Variants in DENND1B observed in about 807,000 individuals in gnomAD.
DENND1B encodes the protein DENN domain containing 1B, also known as DENN domain-containing protein 1B.
In DENND1B, 59 loss-of-function variants were observed where a neutral mutation model predicts 90.1. The ratio of observed to expected loss-of-function variants is 0.65; its 90% CI spans 0.53 to 0.81. DENND1B has a LOEUF of 0.81. Ranked by LOEUF, DENND1B falls within the 40% of genes least tolerant of loss-of-function variation. The pLI, the probability that DENND1B is intolerant of heterozygous loss-of-function variation, is 0.00. For synonymous variants in DENND1B, 337 were observed against 324.6 expected, an observed-to-expected ratio of 1.04 and a Z score of -0.41; for missense variants, 862 against 912.6, an observed-to-expected ratio of 0.94 and a Z score of 0.71.
In DENND1B at chr1:197,554,742, T is replaced by C. The variant is rs188956866; in HGVS notation, c.1150-1630A>G. Among the ~76,000 whole-genome samples the C allele has an allele frequency of 1.3e-4, 18 of 140,876 alleles. No individual in the cohort carries two copies. The East Asian group carries it at 3.4e-3, about 26-fold the overall frequency. The allele number at this position is 140,876 out of a possible 152,430, so 92.4% of individuals were successfully genotyped here. On this transcript the variant is annotated intron_variant, in intron 15 of 22. Transcript: ENST00000620048. ...CTGTAGTCCCAGCTACTCAAGTGGCTGAGGCAGGAGAATCTCTTGAACCCA... is the reference window on the plus strand; with the variant it reads ...CTGTAGTCCCAGCTACTCAAGTGGCCGAGGCAGGAGAATCTCTTGAACCCA...
intron 10 of DENND1B, among the ~76,000 whole-genome samples, chr1:197,641,739 C>A (rs1356408317): frequency 1.3e-5 from 2 of 151,882 alleles, no homozygotes; most frequent in African/African-American, 2.4e-5. Context: ...GCTGTTTGGC[C>A]TTGAAGTGGT....
chr1:197,673,537 C>G (rs546583674), intron 4 of DENND1B, among the ~76,000 whole-genome samples: 2 of 152,186 alleles, frequency 1.3e-5, no homozygotes, highest in South Asian at 4.1e-4. Context: ...TGTTGTTATG[C>G]TCACAGGGCT....
At chr1:197,754,525 G>A (rs1042965669) in intron 2 of DENND1B, among the ~76,000 whole-genome samples, 1 of 151,878 alleles carries the variant, frequency 6.6e-6, no homozygotes, top group African/African-American at 2.4e-5. Context: ...AGATGTGGTG[G>A]TGCACACCTG....
At chr1:197,524,209 G>A (rs763984811) in intron 20 of DENND1B, among the ~76,000 whole-genome samples, 3 of 152,070 alleles carry the variant, frequency 2.0e-5, no homozygotes, top group East Asian at 1.9e-4. Context: ...TGCTCCCAAC[G>A]CATAGTTGGC....
Position 197,642,791 on chromosome 1 carries a change from C to T in DENND1B, c.592G>A (p.Asp198Asn). 1 of 1,613,318 alleles carries T rather than the reference C, an allele frequency of 6.2e-7. No individual in the cohort carries two copies. The highest frequency in any genetic ancestry group is 8.5e-7 in the Non-Finnish European group (1 of 1,179,628). The change falls in exon 10 of 23, where the codon GAT becomes AAT. Residue 198 changes from aspartate to asparagine, a missense_variant. Physicochemically the swap from Asp to Asn is conservative, Grantham distance 23 (BLOSUM62 1). Transcript: ENST00000620048. ...TACAGCTGCAGCATGTTGTTCACATCCACGGCAACAAAATATTCTGTAAGA... is the reference window on the plus strand; with the variant it reads ...TACAGCTGCAGCATGTTGTTCACATTCACGGCAACAAAATATTCTGTAAGA... ...RNLTEYFVAV[D>N]VNNMLQLYAS... is the part of the protein sequence containing the mutation.
chr1:197,531,404 T>C (rs1364571789), intron 20 of DENND1B, among the ~76,000 whole-genome samples: 473 of 3,652 alleles, frequency 0.13, 66 homozygotes, highest in Non-Finnish European at 0.19. Context: ...TTTTTTTTTT[T>C]CTTTTTTTTT....
At chr1:197,669,535 TTAAA>T (rs1243000840) in intron 5 of DENND1B, among the ~76,000 whole-genome samples, 2 of 152,138 alleles carry the variant, frequency 1.3e-5, no homozygotes, top group African/African-American at 4.8e-5. Context: ...ATTATTAAAA[TTAAA>T]TAGTTATCTA....
chr1:197,772,975 CATCT>C, intron 1 of DENND1B, 43 bp from the exon 2 acceptor site: 1 of 1,445,724 alleles, frequency 6.9e-7, no homozygotes, highest in Non-Finnish European at 9.5e-7. Context: ...GACAAATAAA[CATCT>C]CCATGAAACT....
chr1:197,546,015 T>C (rs1670791111), intron 17 of DENND1B, 25 bp from the exon 18 acceptor site: 1 of 1,575,068 alleles, frequency 6.3e-7, no homozygotes, highest in South Asian at 1.2e-5. Flanking sequence ...CAGAAACATA[T>C]TTCCAAAAAC....
upstream of DENND1B, among the ~76,000 whole-genome samples, chr1:197,777,470 A>G (rs993738192): frequency 6.6e-6 from 1 of 152,226 alleles, no homozygotes; most frequent in Admixed American, 6.5e-5. Context: ...TAAAAGGGAT[A>G]GGAACATAGG....
chr1:197,726,869 T>C (rs991699863), intron 2 of DENND1B, among the ~76,000 whole-genome samples: 1 of 152,218 alleles, frequency 6.6e-6, no homozygotes, highest in African/African-American at 2.4e-5. Flanking sequence ...CAAATGTTCA[T>C]AGTAAAAACT....
At chr1:197,638,750 T>C (rs1264730467) in intron 10 of DENND1B, among the ~76,000 whole-genome samples, 1 of 152,196 alleles carries the variant, frequency 6.6e-6, no homozygotes, top group Admixed American at 6.5e-5. Flanking sequence ...GCTTGGGGCT[T>C]AAACATCTAT....
At chr1:197,558,125 T>C (rs1671863870) in intron 15 of DENND1B, among the ~76,000 whole-genome samples, 1 of 151,786 alleles carries the variant, frequency 6.6e-6, no homozygotes, top group South Asian at 2.1e-4. Flanking sequence ...TGCAAGTAGA[T>C]TTTTAAAAGA....
At chr1:197,718,657 G>C (rs1450196528) in intron 2 of DENND1B, among the ~76,000 whole-genome samples, 4 of 152,040 alleles carry the variant, frequency 2.6e-5, no homozygotes, top group East Asian at 3.9e-4. Context: ...AGTCACTAAA[G>C]GACTTCAAAA....
At chr1:197,539,733 T>G (rs1670188605) in intron 20 of DENND1B, among the ~76,000 whole-genome samples, 1 of 152,272 alleles carries the variant, frequency 6.6e-6, no homozygotes, top group Non-Finnish European at 1.5e-5. Context: ...CACTGGACTA[T>G]GAGATCTATG....
At chr1:197,564,454 A>G (rs1672451501) in intron 15 of DENND1B, among the ~76,000 whole-genome samples, 1 of 150,472 alleles carries the variant, frequency 6.6e-6, no homozygotes, top group South Asian at 2.1e-4. Context: ...TATCATTACC[A>G]TATTTTAGTA....
chr1:197,571,142 C>T (rs1415479313), intron 15 of DENND1B, among the ~76,000 whole-genome samples: 6 of 152,108 alleles, frequency 3.9e-5, no homozygotes, highest in Admixed American at 2.0e-4. Context: ...TCCTGGACAA[C>T]TGAAAAAGCC....
intron 2 of DENND1B, among the ~76,000 whole-genome samples, chr1:197,771,424 C>T (rs943984511): frequency 6.6e-6 from 1 of 152,096 alleles, no homozygotes; most frequent in Non-Finnish European, 1.5e-5. Context: ...AATGGACAAA[C>T]TTTACTACAT....
chr1:197,733,377 G>A (rs1662327042), intron 2 of DENND1B, among the ~76,000 whole-genome samples: 1 of 152,154 alleles, frequency 6.6e-6, no homozygotes, highest in Admixed American at 6.5e-5. Flanking sequence ...AAACCTTGAT[G>A]AATGTTTCTC....
Sources: allele counts gnomAD v4.1 joint callset (sites outside exome capture counted in the v4.1 genomes callset), GRCh38; gene constraint gnomAD v4.1.1; transcripts MANE v1.5; gene names NCBI Gene and HGNC (gene_info 2026-07-23, HGNC 2026-07-21).